The following BMPER variants were observed in gnomAD, a reference collection of about 807,000 sequenced individuals.
The protein encoded by BMPER is BMP binding endothelial regulator.
BMPER carries 45 observed loss-of-function variants against 87.3 expected under a neutral mutation model. The observed-to-expected ratio is 0.52, with a 90% CI of 0.41 to 0.66. BMPER has a LOEUF of 0.66. BMPER is among the 30% of genes least tolerant of loss of function. The pLI is 0.00. For missense variants in BMPER, 784 were observed against 867.5 expected, an observed-to-expected ratio of 0.90 and a Z score of 1.21; for synonymous variants, 326 against 316.2, an observed-to-expected ratio of 1.03 and a Z score of -0.33.
chr7:34,107,958 A>T (rs546780906), intron 13 of BMPER, among the ~76,000 whole-genome samples: 1 of 152,342 alleles, frequency 6.6e-6, no homozygotes. Flanking sequence ...TCATAATTGT[A>T]ACCATTATAT....
intron 4 of BMPER, among the ~76,000 whole-genome samples, chr7:33,967,439 T>G (rs1231027541): frequency 6.6e-6 from 1 of 152,244 alleles, no homozygotes; most frequent in Non-Finnish European, 1.5e-5. Flanking sequence ...TACTGAAATC[T>G]AAATTTTAGG....
chr7:34,071,174 A>C (rs965619536), intron 11 of BMPER, among the ~76,000 whole-genome samples: 2 of 152,176 alleles, frequency 1.3e-5, no homozygotes, highest in African/African-American at 4.8e-5. Flanking sequence ...TCTTTTCAAC[A>C]AATCTATACT....
chr7:33,966,657 C>G, intron 4 of BMPER, 96 bp downstream of exon 4: 1 of 1,209,684 alleles, frequency 8.3e-7, no homozygotes, highest in Non-Finnish European at 1.2e-6. Flanking sequence ...CCTAAAAAGG[C>G]CAAACAGAAA....
chr7:34,004,825 G>A (rs557187743), intron 6 of BMPER, among the ~76,000 whole-genome samples: 7 of 152,160 alleles, frequency 4.6e-5, no homozygotes, highest in East Asian at 1.9e-4. Flanking sequence ...CTTCACTTTC[G>A]GATTGCACAG....
chr7:34,118,826 A>G (rs1431269171), intron 13 of BMPER, among the ~76,000 whole-genome samples: 4 of 152,154 alleles, frequency 2.6e-5, no homozygotes, highest in Non-Finnish European at 5.9e-5. Context: ...GAAAAAGGCT[A>G]ACCTCTCTCA....
chr7:34,125,875 A>G (rs929656410), intron 13 of BMPER, among the ~76,000 whole-genome samples: 2 of 152,206 alleles, frequency 1.3e-5, no homozygotes, highest in African/African-American at 4.8e-5. Context: ...TTCTTCAATA[A>G]GGTTTTCTTT....
intron 13 of BMPER, among the ~76,000 whole-genome samples, chr7:34,127,949 T>C (rs1790447579): frequency 6.6e-6 from 1 of 152,226 alleles, no homozygotes; most frequent in African/African-American, 2.4e-5. Flanking sequence ...TCCTGATGCG[T>C]ATTTTGAATT....
intron 6 of BMPER, among the ~76,000 whole-genome samples, chr7:34,036,491 C>T (rs770495609): frequency 6.6e-6 from 1 of 152,078 alleles, no homozygotes; most frequent in Non-Finnish European, 1.5e-5. Flanking sequence ...CAGCAGGCCC[C>T]GCCTCTCCTC....
chr7:33,966,249 A>C (rs1014230301), intron 3 of BMPER, among the ~76,000 whole-genome samples: 5 of 152,186 alleles, frequency 3.3e-5, no homozygotes, highest in African/African-American at 2.4e-5. Flanking sequence ...GCACTTGATA[A>C]TATAATTCAG....
chr7:34,050,743 T>C (rs1562711159), intron 7 of BMPER, among the ~76,000 whole-genome samples: 1 of 152,178 alleles, frequency 6.6e-6, no homozygotes, highest in African/African-American at 2.4e-5. Flanking sequence ...AGAAACTCAA[T>C]TATTAAAAGA....
At chr7:34,085,451 T>C (rs1789172685) in intron 12 of BMPER, among the ~76,000 whole-genome samples, 1 of 152,016 alleles carries the variant, frequency 6.6e-6, no homozygotes, top group African/African-American at 2.4e-5. Context: ...AAGGGAAAAA[T>C]ATAAACCCTA....
At chr7:34,047,274 TG>T (rs1430450047) in intron 7 of BMPER, among the ~76,000 whole-genome samples, 1 of 152,042 alleles carries the variant, frequency 6.6e-6, no homozygotes, top group Non-Finnish European at 1.5e-5. Context: ...TCTTCTTTTT[TG>T]TTTTTTTATT....
At chr7:34,023,265 G>A (rs1376737498) in intron 6 of BMPER, among the ~76,000 whole-genome samples, 1 of 152,052 alleles carries the variant, frequency 6.6e-6, no homozygotes, top group Non-Finnish European at 1.5e-5. Context: ...GGGGAACCCA[G>A]ACTCTTCAGG....
intron 13 of BMPER, among the ~76,000 whole-genome samples, chr7:34,137,618 T>G (rs1479705809): frequency 6.6e-6 from 1 of 152,310 alleles, no homozygotes; most frequent in Non-Finnish European, 1.5e-5. Flanking sequence ...AGTGGCTAAC[T>G]TTTTTGGGGC....
At chr7:33,925,990 C>T (rs1200462450) in intron 2 of BMPER, among the ~76,000 whole-genome samples, 2 of 152,180 alleles carry the variant, frequency 1.3e-5, no homozygotes, top group African/African-American at 2.4e-5. Context: ...TCCTGCCTCG[C>T]GTCTGAGCTT....
chr7:34,009,281 T>A (rs2127939926), intron 6 of BMPER, among the ~76,000 whole-genome samples: 1 of 152,150 alleles, frequency 6.6e-6, no homozygotes, highest in South Asian at 2.1e-4. Flanking sequence ...TTATACTTTT[T>A]CTTGATTGCA....
chr7:33,974,502 G>A lies in BMPER; in HGVS notation c.494-200G>A, dbSNP rs1021892833. The stretch of plus-strand genomic sequence containing the variant: ...GTTCCACTGTCTTATTTGTTTTCCA[G>A]CATCTTTGGGGTTTCAGGTCCCATG... On this transcript the variant is annotated intron_variant, in intron 5 of 14. Coordinates refer to ENST00000649409, the MANE Select transcript of BMPER (RefSeq NM_001365308.1). Among the ~76,000 whole-genome samples the A allele has an allele frequency of 4.6e-5, 7 of 152,056 alleles. No homozygotes were observed. In the East Asian group the frequency reaches 1.4e-3, roughly 29 times the overall value.
chr7:34,040,176 AAATG>A (rs1331985600), intron 6 of BMPER, among the ~76,000 whole-genome samples: 1 of 152,062 alleles, frequency 6.6e-6, no homozygotes, highest in Non-Finnish European at 1.5e-5. Context: ...TACTTGCATG[AAATG>A]TTGGAAAATC....
At chr7:34,044,336 A>G (rs1032207497) in intron 6 of BMPER, among the ~76,000 whole-genome samples, 4 of 152,264 alleles carry the variant, frequency 2.6e-5, no homozygotes, top group Non-Finnish European at 5.9e-5. Context: ...TATGCTTGAA[A>G]AATAGATGCT....
Sources: allele counts gnomAD v4.1 joint callset (sites outside exome capture counted in the v4.1 genomes callset), GRCh38; gene constraint gnomAD v4.1.1; transcripts MANE v1.5; gene names NCBI Gene and HGNC (gene_info 2026-07-23, HGNC 2026-07-21).